The following RIMS2 variants were observed in gnomAD, a reference collection of about 807,000 sequenced individuals.
RIMS2 encodes regulating synaptic membrane exocytosis protein 2.
In RIMS2, 59 loss-of-function variants were observed where a neutral mutation model predicts 174.4. The observed-to-expected ratio is 0.34, with a 90% CI of 0.27 to 0.42. RIMS2 has a LOEUF of 0.42. Among genes scored for constraint, RIMS2 ranks in the 10% least tolerant of loss-of-function variants. RIMS2 has a pLI of 1.00. For missense variants in RIMS2, 1,620 were observed against 1,666.3 expected, an observed-to-expected ratio of 0.97 and a Z score of 0.48; for synonymous variants, 606 against 572.5, an observed-to-expected ratio of 1.06 and a Z score of -0.84.
At chr8:103,680,126 CTTTAA>C (rs1482571812) in intron 1 of RIMS2, among the ~76,000 whole-genome samples, 1 of 151,858 alleles carries the variant, frequency 6.6e-6, no homozygotes, top group African/African-American at 2.4e-5. Context: ...TTTTTTGGAT[CTTTAA>C]TTTTATTTGG....
chr8:103,793,756 G>A (rs989422810), intron 3 of RIMS2, among the ~76,000 whole-genome samples: 8 of 152,016 alleles, frequency 5.3e-5, no homozygotes, highest in African/African-American at 1.5e-4. Context: ...AAATCAATGT[G>A]CAAAAATCAC....
At chr8:104,180,602 G>A (rs992755807) in intron 19 of RIMS2, among the ~76,000 whole-genome samples, 6 of 151,536 alleles carry the variant, frequency 4.0e-5, no homozygotes, top group Non-Finnish European at 8.9e-5. Context: ...ATGTTATGTT[G>A]TCAAATAAGA....
chr8:103,533,206 T>G (rs1030491701), intron 1 of RIMS2, among the ~76,000 whole-genome samples: 1 of 152,232 alleles, frequency 6.6e-6, no homozygotes, highest in African/African-American at 2.4e-5. Context: ...AAATCATATT[T>G]GATTGCAGGA....
At chr8:104,009,089 A>C (rs2095675749) in intron 17 of RIMS2, among the ~76,000 whole-genome samples, 1 of 151,936 alleles carries the variant, frequency 6.6e-6, no homozygotes, top group Non-Finnish European at 1.5e-5. Flanking sequence ...TGAGAATTGT[A>C]ATTTTAAAGT....
intron 1 of RIMS2, among the ~76,000 whole-genome samples, chr8:103,657,654 T>G (rs2096547228): frequency 6.6e-6 from 1 of 152,230 alleles, no homozygotes; most frequent in South Asian, 2.1e-4. Context: ...TAGAGGAAGG[T>G]GCATTCCAGA....
At chr8:103,857,010 T>C (rs2099031474) in intron 3 of RIMS2, among the ~76,000 whole-genome samples, 1 of 152,164 alleles carries the variant, frequency 6.6e-6, no homozygotes, top group Non-Finnish European at 1.5e-5. Flanking sequence ...TTTTTTCTTT[T>C]AAATATTTAT....
intron 5 of RIMS2, chr8:103,910,361 A>G: frequency 1.9e-6 from 3 of 1,598,498 alleles, no homozygotes; most frequent in South Asian, 1.1e-5. Context: ...GTGAGCAGGC[A>G]GTTTTGTCGG....
chr8:103,968,021 T>C (rs186838067), intron 15 of RIMS2, among the ~76,000 whole-genome samples: 1 of 151,894 alleles, frequency 6.6e-6, no homozygotes, highest in Admixed American at 6.5e-5. Context: ...CCACCACATC[T>C]GGCTAATTTT....
intron 19 of RIMS2, among the ~76,000 whole-genome samples, chr8:104,019,243 T>C (rs1317896706): frequency 6.6e-6 from 1 of 152,322 alleles, no homozygotes; most frequent in Non-Finnish European, 1.5e-5. Flanking sequence ...TATATTTTTA[T>C]ATACTTCTTT....
chr8:103,769,333 G>A (rs2098220737), intron 3 of RIMS2, among the ~76,000 whole-genome samples: 2 of 152,036 alleles, frequency 1.3e-5, no homozygotes, highest in African/African-American at 2.4e-5. Context: ...TTGTTTGTTT[G>A]TTTTTGTTTT....
chr8:103,550,772 G>T (rs1847429861), intron 1 of RIMS2, among the ~76,000 whole-genome samples: 1 of 152,096 alleles, frequency 6.6e-6, no homozygotes, highest in East Asian at 1.9e-4. Flanking sequence ...TGATAAAGGG[G>T]TTATTACCAC....
intron 3 of RIMS2, among the ~76,000 whole-genome samples, chr8:103,849,206 C>G (rs374823487): frequency 6.6e-6 from 1 of 152,016 alleles, no homozygotes; most frequent in Admixed American, 6.6e-5. Context: ...CCACTTACAG[C>G]AGTGATGGAG....
chr8:103,648,688 C>T (rs2096391665), intron 1 of RIMS2, among the ~76,000 whole-genome samples: 1 of 152,012 alleles, frequency 6.6e-6, no homozygotes, highest in Non-Finnish European at 1.5e-5. Flanking sequence ...TTTATCATTC[C>T]ATAATAACTT....
chr8:104,080,680 A>T (rs559061829), intron 19 of RIMS2, among the ~76,000 whole-genome samples: 1 of 152,090 alleles, frequency 6.6e-6, no homozygotes, highest in African/African-American at 2.4e-5. Context: ...TCAGCTAATT[A>T]TAATACAAAT....
At chr8:103,757,172 T>C (rs1247937203) in intron 2 of RIMS2, among the ~76,000 whole-genome samples, 1 of 152,190 alleles carries the variant, frequency 6.6e-6, no homozygotes, top group East Asian at 1.9e-4. Context: ...GATTCTTAAA[T>C]ATAAAATAGG....
intron 2 of RIMS2, among the ~76,000 whole-genome samples, chr8:103,756,973 GTGTGTC>G (rs941589665): frequency 1.6e-5 from 2 of 121,444 alleles, no homozygotes; most frequent in African/African-American, 6.4e-5. Context: ...GTATGTGTGT[GTGTGTC>G]TGTGTGTGTG....
intron 1 of RIMS2, among the ~76,000 whole-genome samples, chr8:103,679,787 T>C (rs1288441283): frequency 6.6e-6 from 1 of 151,980 alleles, no homozygotes; most frequent in African/African-American, 2.4e-5. Context: ...TATTTAAATA[T>C]TTATTTGTAA....
intron 19 of RIMS2, among the ~76,000 whole-genome samples, chr8:104,037,325 G>A (rs1294333749): frequency 6.6e-6 from 1 of 152,094 alleles, no homozygotes; most frequent in African/African-American, 2.4e-5. Context: ...TTCTAATTAT[G>A]TTCAAATTCT....
At chr8:103,727,657 G>C (rs2097541357) in intron 2 of RIMS2, among the ~76,000 whole-genome samples, 1 of 152,104 alleles carries the variant, frequency 6.6e-6, no homozygotes, top group East Asian at 1.9e-4. Flanking sequence ...TCTGTGTATG[G>C]ATATGCAGTT....
Sources: gnomAD v4.1 joint callset for allele counts (sites outside exome capture counted in the v4.1 genomes callset) on GRCh38, gnomAD v4.1.1 for gene constraint, MANE v1.5 for transcripts, NCBI Gene and HGNC (gene_info 2026-07-23, HGNC 2026-07-21) for gene names.